ABHD12: variants seen among roughly 807,000 people sequenced by gnomAD.
ABHD12 encodes lysophosphatidylserine lipase ABHD12.
ABHD12 carries 43 observed loss-of-function variants against 58.3 expected under a neutral mutation model. That is an observed-to-expected ratio of 0.74 (90% CI 0.58 to 0.95). The LOEUF (loss-of-function observed/expected upper bound fraction) is 0.95. Ranked by LOEUF, ABHD12 falls within the 40% of genes least tolerant of loss-of-function variation. The pLI, the probability that ABHD12 is intolerant of heterozygous loss-of-function variation, is 0.00. For synonymous variants in ABHD12, 219 were observed against 211.2 expected, an observed-to-expected ratio of 1.04 and a Z score of -0.32; for missense variants, 539 against 537.2, an observed-to-expected ratio of 1.00 and a Z score of -0.03.
Position 25,339,300 on chromosome 20 carries a change from C to A in ABHD12, c.243G>T (p.Gly81=). The A allele has an allele frequency of 3.7e-6, 6 of 1,614,174 alleles. No homozygotes were observed. Among genetic ancestry groups the A allele is most frequent in the Non-Finnish European group, 5.1e-6 (6 of 1,180,036 alleles). The change falls in exon 2 of 13, where the codon GGG becomes GGT. Residue 81 remains glycine, a synonymous_variant. Transcript: ENST00000339157. ...RLRKILFCVL[G]LYIAIPFLIK... is the part of the protein sequence containing the mutation. ...TGAGAAATGGAATGGCAATGTACAA[C>A]CCCAAAACACAGAAAAGTATCTTCC...
Position 25,361,030 on chromosome 20 carries a change from C to G in ABHD12, c.192-21679G>C, listed in dbSNP as rs944910839. Among the ~76,000 whole-genome samples the G allele has an allele frequency of 6.4e-4, 97 of 152,352 alleles. 1 individual carries two copies. Among genetic ancestry groups the G allele is most frequent in the African/African-American group, 2.0e-3 (85 of 41,576 alleles). On this transcript the variant is annotated intron_variant, in intron 1 of 12. Coordinates refer to ENST00000339157, the MANE Select transcript of ABHD12 (RefSeq NM_001042472.3). Reference sequence around the variant, plus strand: ...ACCCCCAGCCATCTTCCGCAGCTCTCAGAGAGCTGGAAGCTGGACACAGGC... The same window carrying G: ...ACCCCCAGCCATCTTCCGCAGCTCTGAGAGAGCTGGAAGCTGGACACAGGC...
At chr20:25,380,658 G>T (rs1003173291) in intron 1 of ABHD12, among the ~76,000 whole-genome samples, 3 of 152,066 alleles carry the variant, frequency 2.0e-5, no homozygotes, top group African/African-American at 7.2e-5. Flanking sequence ...GCTTTCTTCT[G>T]CAACAGGCCT....
chr20:25,302,404 A>G, intron 11 of ABHD12, 58 bp from the exon 12 acceptor site: 2 of 1,606,212 alleles, frequency 1.2e-6, no homozygotes, highest in Non-Finnish European at 1.7e-6. Context: ...TCCCAGCCTG[A>G]GGAACACCAG....
chr20:25,306,522 G>A (rs934075599), intron 10 of ABHD12, among the ~76,000 whole-genome samples: 10 of 152,114 alleles, frequency 6.6e-5, no homozygotes, highest in African/African-American at 2.4e-4. Context: ...GGGACCACAG[G>A]TACACGATGC....
chr20:25,303,121 A>G lies in ABHD12; in HGVS notation c.1029+429T>C, dbSNP rs960412771. 14 of 708,600 alleles carry G rather than the reference A, an allele frequency of 2.0e-5. No individual in the cohort carries two copies. The East Asian group carries it at 2.4e-4, about 12-fold the overall frequency. 43.9% of individuals were successfully genotyped at this position (708,600 alleles called of 1,614,324 possible). The stretch of plus-strand genomic sequence containing the variant: ...AAACAGGCTAGAAGTTTCTCTATCA[A>G]TTTTGACTGTGACCCCTGCAATGGG... On this transcript the variant is annotated intron_variant, in intron 11 of 12. Transcript: ENST00000339157.
At chr20:25,304,427 C>T (rs1200484908) in intron 10 of ABHD12, among the ~76,000 whole-genome samples, 2 of 152,228 alleles carry the variant, frequency 1.3e-5, no homozygotes, top group African/African-American at 4.8e-5. Flanking sequence ...CCCCTCCTGC[C>T]CTCAGAGCTG....
chr20:25,362,248 C>A (rs2089759592), intron 1 of ABHD12, among the ~76,000 whole-genome samples: 1 of 151,850 alleles, frequency 6.6e-6, no homozygotes, highest in Non-Finnish European at 1.5e-5. Context: ...CCATTGCACT[C>A]CAGCCTGGGC....
intron 1 of ABHD12, among the ~76,000 whole-genome samples, chr20:25,382,353 C>T (rs1178745921): frequency 6.6e-6 from 1 of 151,828 alleles, no homozygotes; most frequent in African/African-American, 2.4e-5. Flanking sequence ...AGATAGATGG[C>T]TTACCCACTC....
intron 12 of ABHD12, among the ~76,000 whole-genome samples, chr20:25,301,522 G>A (rs1600758333): frequency 6.6e-6 from 1 of 152,262 alleles, no homozygotes; most frequent in African/African-American, 2.4e-5. Flanking sequence ...CGGCTCAGAA[G>A]CCTTGTCCCA....
chr20:25,333,959 G>C (rs1338188760), intron 2 of ABHD12, among the ~76,000 whole-genome samples: 1 of 152,166 alleles, frequency 6.6e-6, no homozygotes, highest in African/African-American at 2.4e-5. Flanking sequence ...GCTGGCCGGG[G>C]CAATTAGGCA....
In ABHD12 at chr20:25,359,310, G is replaced by C. The variant is rs1039711140; in HGVS notation, c.192-19959C>G. On this transcript the variant is annotated intron_variant, in intron 1 of 12. Transcript: ENST00000339157. ...GTGATGGCGGGCGCCTGTAGTCCCA[G>C]CTACTCGGGAGGCTGAGGCAAGAGA... Among the ~76,000 whole-genome samples the C allele has an allele frequency of 3.5e-3, 517 of 149,526 alleles. 5 individuals are homozygous for C. Among genetic ancestry groups the C allele is most frequent in the African/African-American group, 0.012 (487 of 40,786 alleles).
chr20:25,304,843 A>G (rs932425013), intron 10 of ABHD12, among the ~76,000 whole-genome samples: 5 of 152,236 alleles, frequency 3.3e-5, no homozygotes, highest in Admixed American at 3.3e-4. Flanking sequence ...TTGGGATTAC[A>G]GTGGTGAGCC....
intron 1 of ABHD12, among the ~76,000 whole-genome samples, chr20:25,367,632 C>T (rs888802577): frequency 2.0e-5 from 3 of 152,220 alleles, no homozygotes; most frequent in South Asian, 4.1e-4. Flanking sequence ...AGTACCTTGA[C>T]GACTCTAGTG....
intron 5 of ABHD12, 125 bp from the exon 6 acceptor site, chr20:25,315,095 A>G: frequency 2.0e-6 from 2 of 977,184 alleles, no homozygotes; most frequent in Non-Finnish European, 3.2e-6. Context: ...AGCTTCATAA[A>G]GACTGTGACA....
intron 2 of ABHD12, among the ~76,000 whole-genome samples, chr20:25,324,457 C>A (rs765953606): frequency 6.6e-6 from 1 of 152,150 alleles, no homozygotes; most frequent in East Asian, 1.9e-4. Flanking sequence ...TTAAAATAAA[C>A]GCATGAACCC....
intron 2 of ABHD12, among the ~76,000 whole-genome samples, chr20:25,336,570 G>GC: frequency 6.6e-6 from 1 of 152,116 alleles, no homozygotes; most frequent in Non-Finnish European, 1.5e-5. Context: ...AAGAGCAGAG[G>GC]CACCTCCCCA....
intron 3 of ABHD12, among the ~76,000 whole-genome samples, chr20:25,321,128 G>A (rs1229874208): frequency 7.9e-5 from 12 of 152,262 alleles, no homozygotes; most frequent in Non-Finnish European, 1.6e-4. Flanking sequence ...TCTCTGATCC[G>A]TTCAAAAGGA....
At chr20:25,298,324 G>A (rs916221334), downstream of ABHD12, among the ~76,000 whole-genome samples, 5 of 152,126 alleles carry the variant, frequency 3.3e-5, no homozygotes, top group Admixed American at 2.6e-4. Flanking sequence ...GGAGTGCAGT[G>A]GCACGGTCTT....
At chr20:25,296,337 C>T (rs185096864), downstream of ABHD12, 929 of 1,612,848 alleles carry the variant, frequency 5.8e-4, 4 homozygotes, top group Middle Eastern at 3.5e-3. Context: ...AGCCCTGTGA[C>T]GCCAGAGACT....
Sources: allele counts gnomAD v4.1 joint callset (sites outside exome capture counted in the v4.1 genomes callset), GRCh38; gene constraint gnomAD v4.1.1; transcripts MANE v1.5; gene names NCBI Gene and HGNC (gene_info 2026-07-23, HGNC 2026-07-21).